The following STOX1 variants were observed in gnomAD, a reference collection of about 807,000 sequenced individuals.
The protein encoded by STOX1 is storkhead-box protein 1.
Under a neutral mutation model 74.8 loss-of-function variants are expected in STOX1, and 57 were observed. That is an observed-to-expected ratio of 0.76 (90% confidence interval 0.62 to 0.95). STOX1 has a LOEUF of 0.95. STOX1 is among the 40% of genes least tolerant of loss of function. STOX1 has a pLI of 0.00. For missense variants in STOX1, 1,010 were observed against 1,117.0 expected (o/e 0.90, Z 1.37); for synonymous variants, 375 against 401.3 (o/e 0.93, Z 0.78).
At chr10:68,846,119 T>TTA (rs1839843011) in intron 1 of STOX1, among the ~76,000 whole-genome samples, 47 of 135,838 alleles carry the variant, frequency 3.5e-4, no homozygotes, top group Admixed American at 5.5e-4. Context: ...GCTTGAGGTT[T>TTA]TTATTATTAT....
intron 1 of STOX1, among the ~76,000 whole-genome samples, chr10:68,852,143 T>G (rs1840001081): frequency 6.6e-6 from 1 of 150,990 alleles, no homozygotes; most frequent in Non-Finnish European, 1.5e-5. Context: ...CAAAAATAAA[T>G]AAATATGTTA....
chr10:68,857,543 T>G (rs1840157233), intron 1 of STOX1, among the ~76,000 whole-genome samples: 1 of 152,134 alleles, frequency 6.6e-6, no homozygotes, highest in Non-Finnish European at 1.5e-5. Context: ...GGTAAATCTT[T>G]CTGGAGTCTC....
At chr10:68,853,011 C>T (rs981484868) in intron 1 of STOX1, among the ~76,000 whole-genome samples, 3 of 151,638 alleles carry the variant, frequency 2.0e-5, no homozygotes, top group Non-Finnish European at 2.9e-5. Flanking sequence ...CAACCTTCAC[C>T]TCCTGGGTTC....
At chr10:68,877,488 A>G (rs1250396783) in intron 1 of STOX1, among the ~76,000 whole-genome samples, 1 of 152,184 alleles carries the variant, frequency 6.6e-6, no homozygotes, top group East Asian at 1.9e-4. Flanking sequence ...GAGGTTGCAA[A>G]CAAAGATACA....
chr10:68,874,456 G>C (rs114444348), intron 1 of STOX1, among the ~76,000 whole-genome samples: 305 of 152,116 alleles, frequency 2.0e-3, no homozygotes, highest in African/African-American at 7.0e-3. Context: ...ATGTACCTAC[G>C]ATCTGTAAGC....
chr10:68,876,120 AT>A (rs1411294663), intron 1 of STOX1, among the ~76,000 whole-genome samples: 1 of 242 alleles, frequency 4.1e-3, no homozygotes, highest in Non-Finnish European at 5.5e-3. Flanking sequence ...CTTTACCAGA[AT>A]ATATATATAT....
intron 1 of STOX1, among the ~76,000 whole-genome samples, chr10:68,831,393 G>T (rs1839405887): frequency 1.3e-5 from 2 of 152,172 alleles, no homozygotes; most frequent in African/African-American, 4.8e-5. Context: ...CACCATGTTG[G>T]GCATGCTAGT....
chr10:68,828,279 G>C, intron 1 of STOX1: 1 of 1,165,618 alleles, frequency 8.6e-7, no homozygotes, highest in South Asian at 3.9e-5. Context: ...GGTGAGTGCG[G>C]GACCCGGAGG....
downstream of STOX1, chr10:68,895,197 G>C (rs1186082242): frequency 6.6e-6 from 1 of 152,196 alleles, no homozygotes; most frequent in African/African-American, 2.4e-5. Context: ...TGATTTTGAA[G>C]AATCCTTCCA....
chr10:68,864,381 C>G (rs910102834), intron 1 of STOX1, among the ~76,000 whole-genome samples: 1 of 152,140 alleles, frequency 6.6e-6, no homozygotes, highest in Non-Finnish European at 1.5e-5. Flanking sequence ...TAGTTAATTT[C>G]AAAAATTGAA....
intron 2 of STOX1, among the ~76,000 whole-genome samples, chr10:68,883,887 AT>A (rs1444593837): frequency 6.7e-6 from 1 of 149,522 alleles, no homozygotes; most frequent in African/African-American, 2.5e-5. Flanking sequence ...CACCTGGCTA[AT>A]GTTTAAAAAT....
At chr10:68,843,295 G>A (rs1447325627) in intron 1 of STOX1, among the ~76,000 whole-genome samples, 4 of 152,154 alleles carry the variant, frequency 2.6e-5, no homozygotes, top group African/African-American at 9.7e-5. Context: ...GCCTCCCAAA[G>A]TGCTGGGATT....
intron 2 of STOX1, 22 bp downstream of exon 2, chr10:68,882,132 T>G: frequency 6.2e-7 from 1 of 1,608,960 alleles, no homozygotes; most frequent in South Asian, 1.1e-5. Context: ...AATTTTTGTC[T>G]ATTTGTACTT....
intron 1 of STOX1, among the ~76,000 whole-genome samples, chr10:68,835,469 C>T (rs1321992077): frequency 6.6e-6 from 1 of 152,160 alleles, no homozygotes. Context: ...ACTACAGGCA[C>T]CCATCACCAC....
chr10:68,894,779 A>G (rs1157989094), downstream of STOX1, among the ~76,000 whole-genome samples: 1 of 152,204 alleles, frequency 6.6e-6, no homozygotes, highest in African/African-American at 2.4e-5. Context: ...AGGCTGGAGT[A>G]CAGTGGCATG....
chr10:68,865,804 G>A (rs4295943), intron 1 of STOX1, among the ~76,000 whole-genome samples: 33,621 of 152,028 alleles, frequency 0.22, 4,261 homozygotes, highest in East Asian at 0.54. Context: ...TATGAAAACT[G>A]GGGAATTCCA....
chr10:68,845,255 C>T (rs1316232723), intron 1 of STOX1, among the ~76,000 whole-genome samples: 1 of 151,442 alleles, frequency 6.6e-6, no homozygotes, highest in Non-Finnish European at 1.5e-5. Context: ...CAGTTGCGCA[C>T]CACAACAGCT....
At chr10:68,851,931 C>G (rs185260459) in intron 1 of STOX1, among the ~76,000 whole-genome samples, 1 of 152,060 alleles carries the variant, frequency 6.6e-6, no homozygotes, top group African/African-American at 2.4e-5. Flanking sequence ...TTCAGGAGTT[C>G]GAGACCAACC....
chr10:68,843,982 C>T (rs996185070), intron 1 of STOX1, among the ~76,000 whole-genome samples: 13 of 151,928 alleles, frequency 8.6e-5, no homozygotes, highest in Non-Finnish European at 1.6e-4. Flanking sequence ...AGATCGAGAC[C>T]ATCCTGGCTA....
Sources: gnomAD v4.1 joint callset for allele counts (sites outside exome capture counted in the v4.1 genomes callset) on GRCh38, gnomAD v4.1.1 for gene constraint, MANE v1.5 for transcripts, NCBI Gene and HGNC (gene_info 2026-07-23, HGNC 2026-07-21) for gene names.